The following TYSND1 variants were observed in gnomAD, a reference collection of about 807,000 sequenced individuals.
TYSND1 encodes the protein trypsin like peroxisomal matrix peptidase 1, also known as peroxisomal leader peptide-processing protease.
In TYSND1, 30 loss-of-function variants were observed where a neutral mutation model predicts 37.2. The observed-to-expected ratio is 0.81, with a 90% CI of 0.60 to 1.09. The LOEUF (loss-of-function observed/expected upper bound fraction) is 1.09, where lower values mean the gene tolerates loss of function less well. TYSND1 is among the 50% of genes least tolerant of loss of function. TYSND1 has a pLI of 0.00. For missense variants in TYSND1, 806 were observed against 817.4 expected (o/e 0.99, Z 0.17); for synonymous variants, 364 against 383.8 (o/e 0.95, Z 0.60).
At chr10:70,143,086 G>A (rs181258083) in intron 2 of TYSND1, among the ~76,000 whole-genome samples, 3 of 152,310 alleles carry the variant, frequency 2.0e-5, no homozygotes, top group Admixed American at 2.0e-4. Context: ...TGAGCAACAG[G>A]CTGTTCCCTA....
In TYSND1 at chr10:70,142,592, T is replaced by C; in HGVS notation, c.1483+76A>G. On this transcript the variant is annotated intron_variant, in intron 3 of 3. Transcript: ENST00000287078. ...TCCCAGACAGAGGGTGCACTGGGGC[T>C]GGCCACAAGCACTCATGGGGTGGGA... The C allele has an allele frequency of 5.2e-6, 7 of 1,345,720 alleles. No homozygotes were observed. The South Asian group carries it at 8.5e-5, about 16-fold the overall frequency. The allele number at this position is 1,345,720 out of a possible 1,614,324, so 83.4% of individuals were successfully genotyped here.
Position 70,142,857 on chromosome 10 carries a change from C to T in TYSND1, c.1298-4G>A. 4 of 1,612,488 alleles carry T rather than the reference C, an allele frequency of 2.5e-6. No homozygotes were observed. Among genetic ancestry groups the T allele is most frequent in the Non-Finnish European group, 3.4e-6 (4 of 1,178,936 alleles). ...CCCACCACACTCACAGCCTCGCCTGCCAGGGAAGGAAGGAGGGTGAAGCTG... is the reference window on the plus strand; with the variant it reads ...CCCACCACACTCACAGCCTCGCCTGTCAGGGAAGGAAGGAGGGTGAAGCTG... On this transcript the variant is annotated splice_region_variant and splice_polypyrimidine_tract_variant and intron_variant, in intron 2 of 3. Coordinates refer to ENST00000287078, the MANE Select transcript of TYSND1 (RefSeq NM_173555.4).
In TYSND1 at chr10:70,145,870, G is replaced by A. The variant is rs1248648055; in HGVS notation, c.717C>T (p.Ser239=). 4.5e-6 allele frequency: 7 copies of A among 1,546,166 alleles called. No homozygotes were observed. The South Asian group carries it at 8.3e-5, about 18-fold the overall frequency. The change falls in exon 1 of 4, where the codon AGC becomes AGT. Residue 239 remains serine, a synonymous_variant. Transcript: ENST00000287078. ...FCPDIFLNTL[S]CGVLSNVAGP... is the part of the protein sequence containing the mutation. Reference sequence around the variant, plus strand: ...CGGCCACGTTGCTGAGCACCCCGCAGCTCAGCGTGTTGAGAAAGATGTCGG... The same window carrying A: ...CGGCCACGTTGCTGAGCACCCCGCAACTCAGCGTGTTGAGAAAGATGTCGG...
chr10:70,141,053 T>C (rs962191918), intron 3 of TYSND1, among the ~76,000 whole-genome samples: 13 of 151,140 alleles, frequency 8.6e-5, no homozygotes, highest in Non-Finnish European at 1.6e-4. Flanking sequence ...GGTGGGATTA[T>C]AGCTCACTGC....
Position 70,146,516 on chromosome 10 carries a change from G to T in TYSND1, c.71C>A (p.Ala24Asp). The change falls in exon 1 of 4, where the codon GCC (alanine) becomes GAC (aspartate). Residue 24 changes from alanine to aspartate, a missense_variant. By Grantham distance (126) the Ala-to-Asp change is moderately radical. This residue lies in a region of TYSND1 where 84 missense variants were observed against 79.0 expected (regional missense o/e 1.06). Transcript: ENST00000287078. ...CCACGGGCCCGCCTCGGGCTGTCCG[G>T]CCCGGGAGGCGCTCACCATGCAGCC... ...QAGCMVSASRAGQPEAGPWSC... is the reference protein window; with the variant it reads ...QAGCMVSASRDGQPEAGPWSC... 1.9e-6 allele frequency: 3 copies of T among 1,588,152 alleles called. No homozygotes were observed. The highest frequency in any genetic ancestry group is 8.5e-7 in the Non-Finnish European group (1 of 1,174,172).
At position 70,145,467 on chromosome 10, in the gene TYSND1, A is replaced by G. The variant is rs750801224; in HGVS notation, c.1120T>C (p.Ser374Pro). ...AGGACCCTGGCTGCTTCCCGAGGGG[A>G]CACGTGCCGACAGGTCACTACAAGG... ...PRLVVTCRHV[S>P]PREAARVLVR... The change falls in exon 1 of 4, where the codon TCC becomes CCC. Residue 374 changes from serine (S) to proline (P), a missense_variant. Physicochemically the swap from Ser to Pro is moderately conservative, Grantham distance 74. This residue lies in a region of TYSND1 where 708 missense variants were observed against 705.4 expected (regional missense o/e 1.00). Coordinates refer to ENST00000287078, the MANE Select transcript of TYSND1 (RefSeq NM_173555.4). The G allele has an allele frequency of 1.3e-6, 2 of 1,485,312 alleles. No homozygotes were observed. Among genetic ancestry groups the G allele is most frequent in the Admixed American group, 2.4e-5 (1 of 41,994 alleles). The allele number at this position is 1,485,312 out of a possible 1,614,324, so 92.0% of individuals were successfully genotyped here. A position where few individuals can be genotyped will look rare whatever the true frequency, so the allele number is the denominator to read the frequency against.
chr10:70,142,899 A>G (rs374118659), intron 2 of TYSND1, 46 bp from the exon 3 acceptor site: 12 of 1,596,800 alleles, frequency 7.5e-6, no homozygotes, highest in Non-Finnish European at 1.0e-5. Context: ...CCTGTGTTAC[A>G]GCAGGACTCA....
At chr10:70,140,177 C>A in intron 3 of TYSND1, 36 bp from the exon 4 acceptor site, 1 of 1,542,800 alleles carries the variant, frequency 6.5e-7, no homozygotes. Flanking sequence ...AGGATGTGAG[C>A]CAGGGGGCAG....
Position 70,145,662 on chromosome 10 carries a change from C to G in TYSND1, c.925G>C (p.Ala309Pro). The G allele has an allele frequency of 1.4e-6, 2 of 1,389,542 alleles. No individual in the cohort carries two copies. 86.1% of individuals were successfully genotyped at this position (1,389,542 alleles called of 1,614,324 possible). The change falls in exon 1 of 4, where the codon GCG becomes CCG. Residue 309 changes from alanine to proline, a missense_variant. Ala to Pro is a conservative substitution (Grantham distance 27, BLOSUM62 -1). Coordinates refer to ENST00000287078, the MANE Select transcript of TYSND1 (RefSeq NM_173555.4). Reference sequence around the variant, plus strand: ...GTGCTGTGCGGCAGGCGGTGAAGCGCGTCGCGGGCGGCGCGGAAAAGGGGG... The same window carrying G: ...GTGCTGTGCGGCAGGCGGTGAAGCGGGTCGCGGGCGGCGCGGAAAAGGGGG... Reference protein sequence around the residue: ...AAPLFRAARDALHRLPHSTAA... With the variant: ...AAPLFRAARDPLHRLPHSTAA...
At chr10:70,144,300 C>G (rs1249662933) in intron 1 of TYSND1, 2 of 335,572 alleles carry the variant, frequency 6.0e-6, no homozygotes, top group Admixed American at 5.3e-5. Flanking sequence ...GGCATTATCT[C>G]CATTTTAGGT....
intron 2 of TYSND1, 69 bp from the exon 3 acceptor site, chr10:70,142,922 C>T: frequency 1.3e-6 from 2 of 1,517,260 alleles, no homozygotes; most frequent in Non-Finnish European, 1.8e-6. Context: ...CTCCCTAACT[C>T]CCATCCCTAC....
At chr10:70,140,263 G>A (rs1317730732) in intron 3 of TYSND1, 122 bp from the exon 4 acceptor site, 9 of 726,320 alleles carry the variant, frequency 1.2e-5, no homozygotes, top group South Asian at 1.9e-5. Flanking sequence ...ACCACCCCAC[G>A]TGGTGACAGA....
chr10:70,143,919 T>C lies in TYSND1; in HGVS notation c.1220A>G (p.Tyr407Cys), dbSNP rs749677900. The change falls in exon 2 of 4, where the codon TAT (tyrosine) becomes TGT (cysteine). Residue 407 changes from tyrosine to cysteine, a missense_variant. Transcript: ENST00000287078. ...VVFATQETCP[Y>C]DIAVVSLEED... ...CTCCAGGCTCACCACTGCTATGTCA[T>C]AGGGACATGTCTCCTGAGTGGCAAA... 7.4e-6 allele frequency: 12 copies of C among 1,614,088 alleles called. No homozygotes were observed. The South Asian group carries it at 9.9e-5, about 13-fold the overall frequency.
At chr10:70,143,344 T>G (rs118032633) in intron 2 of TYSND1, among the ~76,000 whole-genome samples, 1 of 152,278 alleles carries the variant, frequency 6.6e-6, no homozygotes, top group East Asian at 1.9e-4. Context: ...AGAAATAGGA[T>G]GCATTAGCCC....
At position 70,142,461 on chromosome 10, in the gene TYSND1, G is replaced by A. The variant is rs566846580; in HGVS notation, c.1483+207C>T. ...CAGATTAGATTAGTAGCAGAGAAGG[G>A]ACCAGAGCCCAGATCTCTTTCCTCC... On this transcript the variant is annotated intron_variant, in intron 3 of 3. Transcript: ENST00000287078. Among the ~76,000 whole-genome samples the A allele has an allele frequency of 3.3e-5, 5 of 152,280 alleles. 1 individual carries two copies. Among genetic ancestry groups the A allele is most frequent in the African/African-American group, 7.2e-5 (3 of 41,522 alleles).
chr10:70,139,807 G>A lies in TYSND1; in HGVS notation c.*117C>T, dbSNP rs965141769. On this transcript the variant is annotated 3_prime_UTR_variant, in exon 4 of 4. Coordinates refer to ENST00000287078, the MANE Select transcript of TYSND1 (RefSeq NM_173555.4). ...GTCTGCAGTCAGTGGGTGGAGATGA[G>A]AGGCAGCCTGGGCCCCTGCAGGGGC... The A allele has an allele frequency of 9.9e-7, 1 of 1,010,392 alleles. No homozygotes were observed. The highest frequency in any genetic ancestry group is 2.5e-5 in the East Asian group (1 of 39,974). 62.6% of individuals were successfully genotyped at this position (1,010,392 alleles called of 1,614,324 possible). A position where few individuals can be genotyped will look rare whatever the true frequency, so the allele number is the denominator to read the frequency against.
intron 3 of TYSND1, among the ~76,000 whole-genome samples, chr10:70,141,598 G>A (rs2072775638): frequency 6.6e-6 from 1 of 152,170 alleles, no homozygotes; most frequent in Non-Finnish European, 1.5e-5. Context: ...TAAAAGCCAT[G>A]TGTCCTTCCC....
At position 70,145,408 on chromosome 10, in the gene TYSND1, C is replaced by A. The variant is rs1366147647; in HGVS notation, c.1166+13G>T. The A allele has an allele frequency of 7.1e-6, 10 of 1,408,222 alleles. No individual in the cohort carries two copies. The highest frequency in any genetic ancestry group is 9.3e-6 in the Non-Finnish European group (10 of 1,079,168). 87.2% of individuals were successfully genotyped at this position (1,408,222 alleles called of 1,614,324 possible). A position where few individuals can be genotyped will look rare whatever the true frequency, so the allele number is the denominator to read the frequency against. On this transcript the variant is annotated intron_variant, in intron 1 of 3. Transcript: ENST00000287078. ...TGGAAAGGGATGAAGTGGCGTCAGC[C>A]CTGCGGGCTTACTTGGGGGTGGTGG...
chr10:70,145,742 G>T lies in TYSND1; in HGVS notation c.845C>A (p.Pro282Gln). The T allele has an allele frequency of 7.0e-7, 1 of 1,428,398 alleles. No individual in the cohort carries two copies. Among genetic ancestry groups the T allele is most frequent in the East Asian group, 2.7e-5 (1 of 36,470 alleles). 88.5% of individuals were successfully genotyped at this position (1,428,398 alleles called of 1,614,324 possible). Residue 282 changes from proline (P) to glutamine (Q), a missense_variant, in exon 1 of 4, where the codon CCG becomes CAG. Coordinates refer to ENST00000287078, the MANE Select transcript of TYSND1 (RefSeq NM_173555.4). Reference protein sequence around the residue: ...AGALVALVVAPLCWKAGEWVG... With the variant: ...AGALVALVVAQLCWKAGEWVG... ...CCATTCGCCGGCCTTCCAACAGAGC[G>T]GCGCCACCACCAGCGCCACCAGCGC...
Sources: allele counts gnomAD v4.1 joint callset (sites outside exome capture counted in the v4.1 genomes callset), GRCh38; gene constraint gnomAD v4.1.1; regional missense constraint gnomAD v4.1.1; transcripts MANE v1.5; gene names NCBI Gene and HGNC (gene_info 2026-07-23, HGNC 2026-07-21).